Variants in PARP3 observed in about 807,000 individuals in gnomAD.
The protein encoded by PARP3 is poly(ADP-ribose) polymerase family member 3.
A neutral mutation model predicts 58.2 loss-of-function variants in PARP3; 46 were observed. The observed-to-expected ratio is 0.79, with a 90% confidence interval of 0.62 to 1.01. The LOEUF (loss-of-function observed/expected upper bound fraction) is 1.01, where lower values mean the gene tolerates loss of function less well. Ranked by LOEUF, PARP3 falls within the 50% of genes least tolerant of loss-of-function variation. PARP3 has a pLI of 0.00. For synonymous variants in PARP3, 252 were observed against 266.4 expected (o/e 0.95, Z 0.53); for missense variants, 663 against 683.9 (o/e 0.97, Z 0.34).
chr3:51,944,148 G>A lies in PARP3; in HGVS notation c.243G>A (p.Lys81=), dbSNP rs1214646464. The A allele has an allele frequency of 2.5e-6, 4 of 1,613,612 alleles. No individual in the cohort carries two copies. Among genetic ancestry groups the A allele is most frequent in the Non-Finnish European group, 3.4e-6 (4 of 1,179,884 alleles). ...NQTNIENNNN[K]FYIIQLLQDS... Reference sequence around the variant, plus strand: ...CCAACATCGAGAACAACAACAACAAGTTCTACATCATCCAGCTGCTCCAAG... The same window carrying A: ...CCAACATCGAGAACAACAACAACAAATTCTACATCATCCAGCTGCTCCAAG... The change falls in exon 3 of 11, where the codon AAG becomes AAA. Residue 81 remains lysine (K), a synonymous_variant. Transcript: ENST00000398755. The surrounding 1 kb of genome is among the most constrained non-coding windows in gnomAD (Gnocchi z 4.2).
chr3:51,947,736 G>C lies in PARP3; in HGVS notation c.1277-4G>C, dbSNP rs761451843. The C allele has an allele frequency of 7.4e-6, 12 of 1,613,966 alleles. No homozygotes were observed. Among genetic ancestry groups the C allele is most frequent in the African/African-American group, 2.7e-5 (2 of 74,930 alleles). ...GCCCACCGGTGCCTCCCTGTGTCTTGCAGTTATTGGCATGAAGTGTGGGGC... is the reference window on the plus strand; with the variant it reads ...GCCCACCGGTGCCTCCCTGTGTCTTCCAGTTATTGGCATGAAGTGTGGGGC... On this transcript the variant is annotated splice_polypyrimidine_tract_variant and splice_region_variant and intron_variant, in intron 9 of 10. Transcript: ENST00000398755.
Position 51,944,722 on chromosome 3 carries a change from G to A in PARP3, c.502-56G>A. 2.5e-6 allele frequency: 4 copies of A among 1,579,262 alleles called. No homozygotes were observed. Among genetic ancestry groups the A allele is most frequent in the African/African-American group, 1.3e-5 (1 of 74,314 alleles). ...TCTGGCCTCAGGCTGGCTGGTCTCT[G>A]TCTGGTGTCACGCCCTGCCCCGCTG... On this transcript the variant is annotated intron_variant, in intron 4 of 10. Transcript: ENST00000398755. This position sits in a 1 kb window ranked among gnomAD's most constrained non-coding sequence, Gnocchi z 4.2.
chr3:51,948,475 C>T lies in PARP3; in HGVS notation c.1597C>T (p.Leu533Phe). The T allele has an allele frequency of 6.2e-7, 1 of 1,613,878 alleles. No individual in the cohort carries two copies. The highest frequency in any genetic ancestry group is 8.5e-7 in the Non-Finnish European group (1 of 1,179,836). ...CCTGCGCTACCTGCTGGAGGTCCACCTCTGAGTGCCCGCCCTGTCCCCCGG... is the reference window on the plus strand; with the variant it reads ...CCTGCGCTACCTGCTGGAGGTCCACTTCTGAGTGCCCGCCCTGTCCCCCGG... Reference protein sequence around the residue: ...CRLRYLLEVHL With the variant: ...CRLRYLLEVHF The change falls in exon 11 of 11, where the codon CTC becomes TTC. Residue 533 changes from leucine (L) to phenylalanine (F), a missense_variant. Transcript: ENST00000398755.
rs530305675 is a variant in PARP3, at chr3:51,944,024, C to T, written c.184-65C>T. 21 of 1,519,508 alleles carry T rather than the reference C, an allele frequency of 1.4e-5. No homozygotes were observed. In the Middle Eastern group the frequency reaches 5.3e-4, roughly 38 times the overall value. The allele number at this position is 1,519,508 out of a possible 1,614,324, so 94.1% of individuals were successfully genotyped here. A position where few individuals can be genotyped will look rare whatever the true frequency, so the allele number is the denominator to read the frequency against. On this transcript the variant is annotated intron_variant, in intron 2 of 10. Coordinates refer to ENST00000398755, the MANE Select transcript of PARP3 (RefSeq NM_001003931.4). The surrounding 1 kb of genome is among the most constrained non-coding windows in gnomAD (Gnocchi z 4.2). ...ACTCCTGTCCCCATCAGAGCCCTCT[C>T]GGTGTACGGCCAGGCACCCCATCTG... is the stretch of plus-strand genomic sequence containing the variant.
Position 51,948,308 on chromosome 3 carries a change from C to G in PARP3, c.1433-3C>G, listed in dbSNP as rs764375361. The G allele has an allele frequency of 6.2e-7, 1 of 1,612,522 alleles. No homozygotes were observed. The highest frequency in any genetic ancestry group is 1.1e-5 in the South Asian group (1 of 90,854). On this transcript the variant is annotated splice_polypyrimidine_tract_variant and splice_region_variant and intron_variant, in intron 10 of 10. Transcript: ENST00000398755. Reference sequence around the variant, plus strand: ...CCACCCTGGCCCTTGCTGTGCCCTGCAGATCCGACCCAGGACACTGAGTTG... The same window carrying G: ...CCACCCTGGCCCTTGCTGTGCCCTGGAGATCCGACCCAGGACACTGAGTTG...
In PARP3 at chr3:51,943,317, C is replaced by T. The variant is rs773585565; in HGVS notation, c.-2-37C>T. On this transcript the variant is annotated intron_variant, in intron 1 of 10. Transcript: ENST00000398755. Reference sequence around the variant, plus strand: ...AGTGGGTCGTTGGGGATGAGGAGACCATGGAGGCCTAAGGGCCTCTCTGTG... The same window carrying T: ...AGTGGGTCGTTGGGGATGAGGAGACTATGGAGGCCTAAGGGCCTCTCTGTG... The T allele has an allele frequency of 5.9e-6, 9 of 1,516,460 alleles. No homozygotes were observed. The South Asian group carries it at 8.6e-5, about 14-fold the overall frequency. The allele number at this position is 1,516,460 out of a possible 1,614,324, so 93.9% of individuals were successfully genotyped here.
chr3:51,945,352 G>A (rs1699651659), intron 6 of PARP3, 128 bp downstream of exon 6: 3 of 1,357,902 alleles, frequency 2.2e-6, no homozygotes, highest in Non-Finnish European at 3.0e-6. Flanking sequence ...ACAGACGGGT[G>A]GGGAAGGCTG....
rs1318937852 is a variant in PARP3, at chr3:51,948,728, T to A, written c.*248T>A. 1 of 473,996 alleles carries A rather than the reference T, an allele frequency of 2.1e-6. No homozygotes were observed. The highest frequency in any genetic ancestry group is 2.0e-5 in the African/African-American group (1 of 50,466). The allele number at this position is 473,996 out of a possible 1,614,324, so 29.4% of individuals were successfully genotyped here. The stretch of plus-strand genomic sequence containing the variant: ...ACCAGCATTTGACTCTTTACTTGTA[T>A]AAGGGCAGCTTTTATAGGTTCCACA... On this transcript the variant is annotated 3_prime_UTR_variant, in exon 11 of 11. Coordinates refer to ENST00000398755, the MANE Select transcript of PARP3 (RefSeq NM_001003931.4).
chr3:51,948,001 CTGTCGTCACTCAGTT>C (rs1454978781), intron 10 of PARP3, 106 bp downstream of exon 10: 15 of 1,124,452 alleles, frequency 1.3e-5, no homozygotes. Context: ...AGAAGCTTCC[CTGTCGTCACTCAGTT>C]TGTCATTTGA....
In PARP3 at chr3:51,942,456, G is replaced by A; in HGVS notation, c.-255G>A. Reference sequence around the variant, plus strand: ...CGGCCTTGGATATGCCAGATCGAGTGTCCACCCGTCCGTGGGACTGGTCGC... The same window carrying A: ...CGGCCTTGGATATGCCAGATCGAGTATCCACCCGTCCGTGGGACTGGTCGC... On this transcript the variant is annotated 5_prime_UTR_variant, in exon 1 of 11. Coordinates refer to ENST00000398755, the MANE Select transcript of PARP3 (RefSeq NM_001003931.4). The A allele has an allele frequency of 1.6e-5, 10 of 626,084 alleles. No individual in the cohort carries two copies. The highest frequency in any genetic ancestry group is 2.9e-5 in the Non-Finnish European group (10 of 343,334). The allele number at this position is 626,084 out of a possible 1,614,324, so 38.8% of individuals were successfully genotyped here.
chr3:51,944,767 T>C lies in PARP3; in HGVS notation c.502-11T>C, dbSNP rs574998569. ...CCGCTGCTCCTGCCCACATGTGCCC[T>C]CTATCTTCAGGTGGACAGAGGCCCA... On this transcript the variant is annotated splice_polypyrimidine_tract_variant and intron_variant, in intron 4 of 10. Transcript: ENST00000398755. The surrounding 1 kb of genome is among the most constrained non-coding windows in gnomAD (Gnocchi z 4.2). 11 of 1,603,932 alleles carry C rather than the reference T, an allele frequency of 6.9e-6. No individual in the cohort carries two copies. The East Asian group carries it at 2.2e-4, about 33-fold the overall frequency.
Position 51,946,351 on chromosome 3 carries a change from GC to G in PARP3, c.1276+12del. Reference sequence around the variant, plus strand: ...GCAAGTCAGCTGGATATGGTGAGGTGCCCCTCTGGGCCAAGCCCTGGGAGGG... The same window carrying G: ...GCAAGTCAGCTGGATATGGTGAGGTGCCCTCTGGGCCAAGCCCTGGGAGGG... On this transcript the variant is annotated intron_variant, in intron 9 of 10. Transcript: ENST00000398755. The surrounding 1 kb of genome is among the most constrained non-coding windows in gnomAD (Gnocchi z 4.6). The G allele has an allele frequency of 6.3e-7, 1 of 1,589,200 alleles. No homozygotes were observed. Among genetic ancestry groups the G allele is most frequent in the Non-Finnish European group, 8.6e-7 (1 of 1,166,710 alleles).
chr3:51,947,953 G>A (rs1250561098), intron 10 of PARP3, 58 bp downstream of exon 10: 1 of 1,544,834 alleles, frequency 6.5e-7, no homozygotes. Flanking sequence ...ATAGGGGCTG[G>A]GACATTTTCA....
rs558562356 is a variant in PARP3, at chr3:51,942,877, A to G, written c.-3+169A>G. Reference sequence around the variant, plus strand: ...CTGGGTTCTAAGCTCCGGGAGGATAATCTGGCCCCAAGAATCCTGCCCCCA... The same window carrying G: ...CTGGGTTCTAAGCTCCGGGAGGATAGTCTGGCCCCAAGAATCCTGCCCCCA... On this transcript the variant is annotated intron_variant, in intron 1 of 10. Transcript: ENST00000398755. 6 of 1,428,536 alleles carry G rather than the reference A, an allele frequency of 4.2e-6. No homozygotes were observed. The South Asian group carries it at 9.1e-5, about 22-fold the overall frequency. The allele number at this position is 1,428,536 out of a possible 1,614,324, so 88.5% of individuals were successfully genotyped here. A position where few individuals can be genotyped will look rare whatever the true frequency, so the allele number is the denominator to read the frequency against.
intron 1 of PARP3, chr3:51,943,014 C>G (rs1275538209): frequency 7.2e-7 from 1 of 1,398,472 alleles, no homozygotes; most frequent in Non-Finnish European, 9.3e-7. Context: ...GAGAGAGCCT[C>G]CTTTCACTTT....
At position 51,948,496 on chromosome 3, in the gene PARP3, C is replaced by T; in HGVS notation, c.*16C>T. On this transcript the variant is annotated 3_prime_UTR_variant, in exon 11 of 11. Transcript: ENST00000398755. ...CCACCTCTGAGTGCCCGCCCTGTCCCCCGGGGTCCTGCAAGGCTGGACTGT... is the reference window on the plus strand; with the variant it reads ...CCACCTCTGAGTGCCCGCCCTGTCCTCCGGGGTCCTGCAAGGCTGGACTGT... The T allele has an allele frequency of 1.2e-6, 2 of 1,612,516 alleles. No homozygotes were observed. Among genetic ancestry groups the T allele is most frequent in the Non-Finnish European group, 8.5e-7 (1 of 1,178,906 alleles).
Position 51,944,167 on chromosome 3 carries a change from C to CTACATCA in PARP3, c.263_264insACATCAT (p.Gln89HisfsTer40). 6.2e-7 allele frequency: 1 copy of CTACATCA among 1,614,042 alleles called. No individual in the cohort carries two copies. The highest frequency in any genetic ancestry group is 8.5e-7 in the Non-Finnish European group (1 of 1,179,974). On this transcript the variant is annotated frameshift_variant, in exon 3 of 11. Coordinates refer to ENST00000398755, the MANE Select transcript of PARP3 (RefSeq NM_001003931.4). LOFTEE classifies it high-confidence loss of function. The surrounding 1 kb of genome is among the most constrained non-coding windows in gnomAD (Gnocchi z 4.2). ...CAACAAGTTCTACATCATCCAGCTG[C>CTACATCA]TCCAAGACAGCAACCGCTTCTTCAC...
intron 1 of PARP3, chr3:51,942,992 C>T: frequency 2.1e-6 from 3 of 1,402,508 alleles, no homozygotes; most frequent in South Asian, 1.6e-5. Context: ...GGAGGAGCCC[C>T]GAAGTGGAAG....
chr3:51,942,974 A>T, intron 1 of PARP3: 1 of 1,406,682 alleles, frequency 7.1e-7, no homozygotes, highest in Non-Finnish European at 9.2e-7. Flanking sequence ...GAACTAGCTG[A>T]CACAGGGGGA....
Sources: allele counts gnomAD v4.1 joint callset, GRCh38; gene constraint gnomAD v4.1.1; non-coding constraint Gnocchi (gnomAD v3.1); transcripts MANE v1.5; gene names NCBI Gene and HGNC (gene_info 2026-07-23, HGNC 2026-07-21).